The following CLVS2 variants were observed in gnomAD, a reference collection of about 807,000 sequenced individuals.
CLVS2 encodes the protein clavesin-2.
Under a neutral mutation model 29.0 loss-of-function variants are expected in CLVS2, and 19 were observed. The observed-to-expected ratio is 0.66, with a 90% CI of 0.46 to 0.96. CLVS2 has a LOEUF of 0.96. Ranked by LOEUF, CLVS2 falls within the 40% of genes least tolerant of loss-of-function variation. The pLI is 0.00. For synonymous variants in CLVS2, 161 were observed against 151.3 expected (o/e 1.06, Z -0.47); for missense variants, 294 against 404.1 (o/e 0.73, Z 2.34).
At chr6:123,036,231 T>C (rs1245282715) in intron 3 of CLVS2, among the ~76,000 whole-genome samples, 1 of 152,170 alleles carries the variant, frequency 6.6e-6, no homozygotes, top group Non-Finnish European at 1.5e-5. Context: ...TGGAGGACTT[T>C]GTAGCAATGT....
chr6:123,027,275 T>G (rs556405586), intron 3 of CLVS2, among the ~76,000 whole-genome samples: 1 of 152,286 alleles, frequency 6.6e-6, no homozygotes, highest in African/African-American at 2.4e-5. Flanking sequence ...GTGACACCAT[T>G]CATTTGTTTA....
At chr6:123,021,647 T>C (rs1220704910) in intron 3 of CLVS2, among the ~76,000 whole-genome samples, 1 of 152,112 alleles carries the variant, frequency 6.6e-6, no homozygotes, top group Non-Finnish European at 1.5e-5. Flanking sequence ...TCTTTCCCAA[T>C]GGTAACATCT....
At chr6:123,017,606 T>C (rs1774856507) in intron 3 of CLVS2, among the ~76,000 whole-genome samples, 1 of 152,126 alleles carries the variant, frequency 6.6e-6, no homozygotes, top group African/African-American at 2.4e-5. Context: ...AGTTGCTTTA[T>C]TTCATGGTGT....
At chr6:123,034,635 T>C (rs1476146185) in intron 3 of CLVS2, among the ~76,000 whole-genome samples, 1 of 152,180 alleles carries the variant, frequency 6.6e-6, no homozygotes, top group Non-Finnish European at 1.5e-5. Context: ...AGAACATTTC[T>C]GTATCTTGAA....
intron 5 of CLVS2, among the ~76,000 whole-genome samples, chr6:123,060,852 G>C (rs948485389): frequency 1.3e-5 from 2 of 152,196 alleles, no homozygotes; most frequent in African/African-American, 2.4e-5. Flanking sequence ...TTAGCAACTG[G>C]AGTTATGATC....
At chr6:123,038,725 ATTC>A (rs1378333073) in intron 3 of CLVS2, among the ~76,000 whole-genome samples, 6 of 152,014 alleles carry the variant, frequency 3.9e-5, no homozygotes, top group Admixed American at 2.0e-4. Context: ...GTCATTAGGA[ATTC>A]TTTGAAAATG....
intron 3 of CLVS2, among the ~76,000 whole-genome samples, chr6:123,036,928 G>A (rs373983618): frequency 3.3e-5 from 5 of 152,190 alleles, no homozygotes; most frequent in South Asian, 4.1e-4. Flanking sequence ...TCTCCAACAC[G>A]TTAGTCGAGC....
At chr6:123,015,831 A>T (rs1240052544) in intron 3 of CLVS2, among the ~76,000 whole-genome samples, 1 of 152,034 alleles carries the variant, frequency 6.6e-6, no homozygotes, top group Non-Finnish European at 1.5e-5. Context: ...AGGGGAAGCC[A>T]CTTTGCTGAT....
In CLVS2 at chr6:123,011,118, C is replaced by G; in HGVS notation, c.523C>G (p.Leu175Val). 2 of 1,610,510 alleles carry G rather than the reference C, an allele frequency of 1.2e-6. No homozygotes were observed. The highest frequency in any genetic ancestry group is 1.7e-6 in the Non-Finnish European group (2 of 1,178,032). The change falls in exon 3 of 6, where the codon CTC becomes GTC. Residue 175 changes from leucine to valine, a missense_variant. Leu to Val is a conservative substitution (Grantham distance 32). This residue lies in a region of CLVS2 where 212 missense variants were observed against 336.4 expected (regional missense o/e 0.63). Transcript: ENST00000275162. ...SNFTFKQASK[L>V]TPSMLRLAIE... ...CTTCACTTTCAAGCAAGCCTCTAAA[C>G]TCACACCAAGTATGCTGCGATTAGC...
rs1170623339 is a variant in CLVS2 at position 123,006,961 on chromosome 6, T to C, written c.390-4024T>C. Among the ~76,000 whole-genome samples, 3 of 151,722 alleles carry C rather than the reference T, an allele frequency of 2.0e-5. No homozygotes were observed. In the East Asian group the frequency reaches 5.8e-4, roughly 29 times the overall value. ...AAAGATAATAGACTGACCAGAAAAG[T>C]GGAAGGAAAAAAAGTTCAATGCAGC... is the stretch of plus-strand genomic sequence containing the variant. On this transcript the variant is annotated intron_variant, in intron 2 of 5. Transcript: ENST00000275162.
rs372217175 is a variant in CLVS2, at chr6:123,058,451, C to T, written c.896+2425C>T. Among the ~76,000 whole-genome samples, 6 of 152,146 alleles carry T rather than the reference C, an allele frequency of 3.9e-5. 1 individual carries two copies. The highest frequency in any genetic ancestry group is 9.7e-5 in the African/African-American group (4 of 41,434). On this transcript the variant is annotated intron_variant, in intron 5 of 5. Transcript: ENST00000275162. ...GCATGATTCCTCATGTGGCCCATCA[C>T]GTGAGCACATTTTTCTCTGTATCTT...
At chr6:123,029,648 TTTTGTTTG>T (rs549877690) in intron 3 of CLVS2, among the ~76,000 whole-genome samples, 1 of 152,144 alleles carries the variant, frequency 6.6e-6, no homozygotes, top group Non-Finnish European at 1.5e-5. Flanking sequence ...AAAATAAGTT[TTTTGTTTG>T]TTTGTTTGTT....
intron 5 of CLVS2, among the ~76,000 whole-genome samples, chr6:123,062,616 TAA>T (rs1198513739): frequency 1.3e-5 from 2 of 152,186 alleles, no homozygotes; most frequent in African/African-American, 4.8e-5. Flanking sequence ...GGAAATAATT[TAA>T]GTTTATTTAA....
Position 123,035,245 on chromosome 6 carries a change from A to AT in CLVS2, c.565-13366dup, listed in dbSNP as rs982028097. 2.8e-3 allele frequency among the ~76,000 whole-genome samples: 412 copies of AT among 148,960 alleles called. 1 individual carries two copies. Among genetic ancestry groups the AT allele is most frequent in the African/African-American group, 7.7e-3 (315 of 40,780 alleles). ...ACTTTTACAAGTGAAGGGTTTTTTGATTTTTTTTTTTCATGTGAGGATTTT... is the reference window on the plus strand; with the variant it reads ...ACTTTTACAAGTGAAGGGTTTTTTGATTTTTTTTTTTTCATGTGAGGATTTT... On this transcript the variant is annotated intron_variant, in intron 3 of 5. Transcript: ENST00000275162.
Position 122,998,029 on chromosome 6 carries a change from C to A in CLVS2, c.252C>A (p.Asp84Glu), listed in dbSNP as rs1212663782. 4 of 1,614,080 alleles carry A rather than the reference C, an allele frequency of 2.5e-6. No individual in the cohort carries two copies. The highest frequency in any genetic ancestry group is 3.4e-6 in the Non-Finnish European group (4 of 1,180,048). ...QYFEYRQQNLDMFKSFKATDP... is the reference protein window; with the variant it reads ...QYFEYRQQNLEMFKSFKATDP... ...TTGAGTACCGGCAGCAGAACCTGGA[C>A]ATGTTCAAAAGCTTTAAGGCCACCG... The change falls in exon 2 of 6, where the codon GAC becomes GAA. Residue 84 changes from aspartate to glutamate, a missense_variant. Transcript: ENST00000275162.
At chr6:123,013,333 C>T (rs1406989591) in intron 3 of CLVS2, among the ~76,000 whole-genome samples, 2 of 151,928 alleles carry the variant, frequency 1.3e-5, no homozygotes, top group African/African-American at 4.8e-5. Flanking sequence ...ATGCCAAGAC[C>T]ATCAACACCA....
At chr6:123,039,006 A>G (rs1417583440) in intron 3 of CLVS2, among the ~76,000 whole-genome samples, 1 of 152,166 alleles carries the variant, frequency 6.6e-6, no homozygotes, top group Non-Finnish European at 1.5e-5. Context: ...AGAATATGAC[A>G]GTTCCTGTCT....
chr6:123,047,502 T>C (rs1292856733), intron 3 of CLVS2, among the ~76,000 whole-genome samples: 1 of 152,190 alleles, frequency 6.6e-6, no homozygotes, highest in Non-Finnish European at 1.5e-5. Flanking sequence ...TGCAAATCAA[T>C]ATGCAAATAC....
In CLVS2 at chr6:123,049,808, G is replaced by GGT. The variant is rs1554203174; in HGVS notation, c.675+1077_675+1078insTG. Among the ~76,000 whole-genome samples the GGT allele has an allele frequency of 6.8e-4, 95 of 139,052 alleles. 3 individuals are homozygous for GGT. In the South Asian group the frequency reaches 0.022, roughly 32 times the overall value. The allele number at this position is 139,052 out of a possible 152,430, so 91.2% of individuals were successfully genotyped here. Reference sequence around the variant, plus strand: ...ACACCGGGGCCTGTTGTGGGATGGGGGGCGGGGAGGAATAGCATTAGGAGA... The same window carrying GGT: ...ACACCGGGGCCTGTTGTGGGATGGGGGTGGCGGGGAGGAATAGCATTAGGAGA... On this transcript the variant is annotated intron_variant, in intron 4 of 5. Coordinates refer to ENST00000275162, the MANE Select transcript of CLVS2 (RefSeq NM_001010852.4).
Sources: allele counts gnomAD v4.1 joint callset (sites outside exome capture counted in the v4.1 genomes callset), GRCh38; gene constraint gnomAD v4.1.1; regional missense constraint gnomAD v4.1.1; transcripts MANE v1.5; gene names NCBI Gene and HGNC (gene_info 2026-07-23, HGNC 2026-07-21).